The following TRPM3 variants were observed in gnomAD, a reference collection of about 807,000 sequenced individuals.
TRPM3 encodes transient receptor potential cation channel subfamily M member 3.
TRPM3 carries 77 observed loss-of-function variants against 181.2 expected under a neutral mutation model. The observed-to-expected ratio is 0.42, with a 90% confidence interval of 0.35 to 0.51. TRPM3 has a LOEUF of 0.51. Among genes scored for constraint, TRPM3 ranks in the 20% least tolerant of loss-of-function variants. The pLI is 0.01. For missense variants in TRPM3, 1,759 were observed against 2,196.7 expected (o/e 0.80, Z 3.98); for synonymous variants, 745 against 796.4 (o/e 0.94, Z 1.09).
chr9:71,094,635 T>C (rs76612961), intron 1 of TRPM3, among the ~76,000 whole-genome samples: 1 of 152,140 alleles, frequency 6.6e-6, no homozygotes, highest in Admixed American at 6.6e-5. Flanking sequence ...TCTAGCTCTA[T>C]AAACTTAATT....
intron 1 of TRPM3, among the ~76,000 whole-genome samples, chr9:71,343,674 G>C (rs1479325226): frequency 1.3e-5 from 2 of 151,954 alleles, no homozygotes; most frequent in African/African-American, 4.8e-5. Flanking sequence ...CCACTGAAAG[G>C]GCCTCCAAGT....
At chr9:70,898,894 A>G (rs945172072) in intron 1 of TRPM3, among the ~76,000 whole-genome samples, 4 of 152,200 alleles carry the variant, frequency 2.6e-5, no homozygotes, top group African/African-American at 9.7e-5. Context: ...TTTGAACCTG[A>G]ACCCTTTCTG....
chr9:71,420,227 A>G (rs1169590398), intron 1 of TRPM3, among the ~76,000 whole-genome samples: 1 of 151,826 alleles, frequency 6.6e-6, no homozygotes, highest in Non-Finnish European at 1.5e-5. Context: ...AGACAGGAAA[A>G]GAAGAGAATT....
At chr9:71,258,349 G>A (rs2082807744) in intron 1 of TRPM3, among the ~76,000 whole-genome samples, 1 of 152,140 alleles carries the variant, frequency 6.6e-6, no homozygotes, top group Non-Finnish European at 1.5e-5. Context: ...TGCACCACCT[G>A]GACCTGGCCA....
chr9:71,428,267 T>G (rs1023992328), intron 1 of TRPM3, among the ~76,000 whole-genome samples: 7 of 151,280 alleles, frequency 4.6e-5, no homozygotes, highest in Admixed American at 1.3e-4. Context: ...TTTTTTTTTT[T>G]TTTTTTTTAG....
intron 24 of TRPM3, among the ~76,000 whole-genome samples, chr9:70,550,612 A>C (rs1049910021): frequency 6.6e-6 from 1 of 152,238 alleles, no homozygotes; most frequent in Non-Finnish European, 1.5e-5. Context: ...GGTTATGGGG[A>C]GAGAACTGCT....
intron 1 of TRPM3, among the ~76,000 whole-genome samples, chr9:71,198,519 C>A (rs1224935535): frequency 6.6e-6 from 1 of 152,096 alleles, no homozygotes; most frequent in Non-Finnish European, 1.5e-5. Context: ...GAATGTTCTT[C>A]CATTTCTTTG....
At chr9:70,777,992 GAC>G (rs71367226) in intron 7 of TRPM3, among the ~76,000 whole-genome samples, 4 of 135,392 alleles carry the variant, frequency 3.0e-5, no homozygotes, top group African/African-American at 1.0e-4. Flanking sequence ...AACAGACACA[GAC>G]ACACACACAC....
chr9:70,610,539 A>AGAT, intron 19 of TRPM3, 70 bp downstream of exon 19: 1 of 1,553,606 alleles, frequency 6.4e-7, no homozygotes, highest in Non-Finnish European at 8.8e-7. Context: ...AAAACCACAC[A>AGAT]GATGCATGAG....
At position 70,671,930 on chromosome 9, in the gene TRPM3, A is replaced by AT. The variant is rs10633740; in HGVS notation, c.1345+9575dup. On this transcript the variant is annotated intron_variant, in intron 9 of 25. Coordinates refer to ENST00000677713, the MANE Select transcript of TRPM3 (RefSeq NM_001366145.2). The stretch of plus-strand genomic sequence containing the variant: ...AGGCATGTGCCACCATGTCCAGCTA[A>AT]TTTTTTTTTTTTTTTTTTAAGTAGA... 8.0e-3 allele frequency among the ~76,000 whole-genome samples: 1,138 copies of AT among 141,512 alleles called. 20 individuals carry two copies. Among genetic ancestry groups the AT allele is most frequent in the African/African-American group, 0.025 (934 of 37,802 alleles). The allele number at this position is 141,512 out of a possible 152,430, so 92.8% of individuals were successfully genotyped here.
intron 1 of TRPM3, among the ~76,000 whole-genome samples, chr9:71,024,579 T>C (rs561643787): frequency 6.6e-6 from 1 of 152,376 alleles, no homozygotes; most frequent in South Asian, 2.1e-4. Flanking sequence ...ACATCGACTC[T>C]GTTTACTCTT....
intron 1 of TRPM3, among the ~76,000 whole-genome samples, chr9:71,304,591 T>C (rs574945440): frequency 6.6e-6 from 1 of 152,346 alleles, no homozygotes; most frequent in East Asian, 1.9e-4. Flanking sequence ...TGAATTATTC[T>C]CAAATCTCTG....
chr9:70,610,569 G>GAGAAA, intron 19 of TRPM3, 40 bp downstream of exon 19: 2 of 1,600,540 alleles, frequency 1.2e-6, no homozygotes, highest in Non-Finnish European at 1.7e-6. Flanking sequence ...TTGGCTCCTT[G>GAGAAA]TGGCCATCCA....
Position 71,006,980 on chromosome 9 carries a change from A to C in TRPM3, c.177+114198T>G, listed in dbSNP as rs1305127875. On this transcript the variant is annotated intron_variant, in intron 1 of 25. Transcript: ENST00000677713. ...CTTGAACCTGGGAGGCAGAAGTTGC[A>C]GTGAGCCGAGATAGTGCCATTGCAC... 2.3e-5 allele frequency among the ~76,000 whole-genome samples: 3 copies of C among 132,674 alleles called. No homozygotes were observed. The East Asian group carries it at 7.8e-4, about 35-fold the overall frequency. 87.0% of individuals were successfully genotyped at this position (132,674 alleles called of 152,430 possible).
chr9:71,230,075 A>G (rs548703617), intron 1 of TRPM3, among the ~76,000 whole-genome samples: 1 of 152,280 alleles, frequency 6.6e-6, no homozygotes, highest in East Asian at 1.9e-4. Context: ...CCTATATACA[A>G]TGGAGTATTA....
In TRPM3 at chr9:70,668,542, G is replaced by A. The variant is rs900893604; in HGVS notation, c.1345+12964C>T. On this transcript the variant is annotated intron_variant, in intron 9 of 25. Transcript: ENST00000677713. ...TAGCTGGGCGTGGTGGCGGGCGCCC[G>A]TAGTCCCAGCTACGCGGGAGGCTGA... 1.4e-3 allele frequency among the ~76,000 whole-genome samples: 219 copies of A among 151,866 alleles called. 2 individuals carry two copies. The highest frequency in any genetic ancestry group is 5.1e-3 in the African/African-American group (212 of 41,490).
At chr9:71,433,017 A>G (rs1288600201) in intron 1 of TRPM3, among the ~76,000 whole-genome samples, 1 of 152,242 alleles carries the variant, frequency 6.6e-6, no homozygotes, top group Non-Finnish European at 1.5e-5. Context: ...TAGTTAGGAA[A>G]GATAAAGGGA....
chr9:71,133,968 T>C (rs1486177182), intron 1 of TRPM3, among the ~76,000 whole-genome samples: 2 of 82,692 alleles, frequency 2.4e-5, no homozygotes, highest in Non-Finnish European at 4.8e-5. Flanking sequence ...CTAAACTGTG[T>C]GTGTTTGTGT....
chr9:70,573,172 A>G (rs938950117), intron 22 of TRPM3, among the ~76,000 whole-genome samples: 3 of 152,236 alleles, frequency 2.0e-5, no homozygotes, highest in African/African-American at 7.2e-5. Flanking sequence ...TTACACCTAA[A>G]TGAAGAACTT....
Sources: gnomAD v4.1 joint callset for allele counts (sites outside exome capture counted in the v4.1 genomes callset) on GRCh38, gnomAD v4.1.1 for gene constraint, MANE v1.5 for transcripts, NCBI Gene and HGNC (gene_info 2026-07-23, HGNC 2026-07-21) for gene names.